CELF4: variants seen among roughly 807,000 people sequenced by gnomAD.
CELF4 encodes CUGBP Elav-like family member 4, also known as CUG-BP- and ETR-3-like factor 4.
Under a neutral mutation model 59.9 loss-of-function variants are expected in CELF4, and 18 were observed. The ratio of observed to expected loss-of-function variants is 0.30; its 90% CI spans 0.21 to 0.45. The LOEUF (loss-of-function observed/expected upper bound fraction) is 0.45. Among genes scored for constraint, CELF4 ranks in the 20% least tolerant of loss-of-function variants. The pLI, the probability that CELF4 is intolerant of heterozygous loss-of-function variation, is 1.00. For missense variants in CELF4, 456 were observed against 689.0 expected (o/e 0.66, Z 3.79); for synonymous variants, 261 against 267.1 (o/e 0.98, Z 0.22).
intron 9 of CELF4, 150 bp downstream of exon 9, chr18:37,266,383 A>T: frequency 1.2e-6 from 1 of 812,988 alleles, no homozygotes. Context: ...GGCAGCCTGG[A>T]GGGTCTCTGC....
At chr18:37,536,174 C>T (rs1410481077) in intron 1 of CELF4, among the ~76,000 whole-genome samples, 2 of 151,598 alleles carry the variant, frequency 1.3e-5, no homozygotes, top group African/African-American at 4.9e-5. Flanking sequence ...TGAATCACAG[C>T]TGTTTGGAGC....
At chr18:37,405,642 G>A (rs1308151249) in intron 2 of CELF4, among the ~76,000 whole-genome samples, 18 of 152,214 alleles carry the variant, frequency 1.2e-4, no homozygotes, top group Admixed American at 1.0e-3. Context: ...TAGGCCTTTA[G>A]CTCAACACCA....
intron 2 of CELF4, among the ~76,000 whole-genome samples, chr18:37,437,298 G>A (rs1389009556): frequency 6.6e-6 from 1 of 152,222 alleles, no homozygotes; most frequent in Non-Finnish European, 1.5e-5. Flanking sequence ...CCCTCCTCCT[G>A]GTTGATGGGG....
chr18:37,530,560 A>G (rs1419339920), intron 1 of CELF4, among the ~76,000 whole-genome samples: 1 of 151,990 alleles, frequency 6.6e-6, no homozygotes, highest in African/African-American at 2.4e-5. Flanking sequence ...CTGCCACCCC[A>G]GCTTCCATCT....
At chr18:37,511,087 A>C (rs77147706) in intron 1 of CELF4, among the ~76,000 whole-genome samples, 2,561 of 152,272 alleles carry the variant, frequency 0.017, 95 homozygotes, top group African/African-American at 0.059. Context: ...GATTTGTTAA[A>C]AGATTGAATG....
At chr18:37,507,195 A>T (rs2099939070) in intron 1 of CELF4, among the ~76,000 whole-genome samples, 1 of 152,188 alleles carries the variant, frequency 6.6e-6, no homozygotes, top group African/African-American at 2.4e-5. Flanking sequence ...TGCTCCCCTC[A>T]GTCACTGCTC....
chr18:37,343,329 C>CTGTGTGTGTGTGTGTGTG (rs5824051), intron 2 of CELF4, among the ~76,000 whole-genome samples: 2 of 126,956 alleles, frequency 1.6e-5, no homozygotes, highest in South Asian at 3.0e-4. Flanking sequence ...GGTGTTGATT[C>CTGTGTGTGTGTGTGTGTG]TGTGTGTGTG....
chr18:37,502,067 C>A (rs1441962246), intron 1 of CELF4, among the ~76,000 whole-genome samples: 1 of 152,254 alleles, frequency 6.6e-6, no homozygotes, highest in Admixed American at 6.5e-5. Flanking sequence ...TGACCAGGCC[C>A]CCCGTGAACC....
chr18:37,472,579 G>A (rs2099836518), intron 2 of CELF4, among the ~76,000 whole-genome samples: 1 of 152,262 alleles, frequency 6.6e-6, no homozygotes, highest in African/African-American at 2.4e-5. Context: ...AACTGCTCCT[G>A]GATGAAAGAA....
intron 3 of CELF4, among the ~76,000 whole-genome samples, chr18:37,284,653 C>T (rs1423166721): frequency 6.6e-6 from 1 of 152,242 alleles, no homozygotes; most frequent in Non-Finnish European, 1.5e-5. Context: ...CTCCCCCGAG[C>T]TTGAGATGCC....
chr18:37,393,187 G>T (rs933385983), intron 2 of CELF4, among the ~76,000 whole-genome samples: 4 of 152,136 alleles, frequency 2.6e-5, no homozygotes, highest in African/African-American at 9.7e-5. Context: ...TTCCTCTCGG[G>T]GATACCCTGA....
intron 1 of CELF4, among the ~76,000 whole-genome samples, chr18:37,557,922 T>A (rs1350327029): frequency 6.7e-6 from 1 of 150,348 alleles, no homozygotes; most frequent in East Asian, 2.0e-4. Flanking sequence ...CAAGGAAGGA[T>A]AAGAGAAACC....
In CELF4 at chr18:37,565,348, G is replaced by C; in HGVS notation, c.286+8C>G. The C allele has an allele frequency of 1.3e-6, 2 of 1,508,960 alleles. No homozygotes were observed. Among genetic ancestry groups the C allele is most frequent in the Non-Finnish European group, 1.8e-6 (2 of 1,123,674 alleles). 93.5% of individuals were successfully genotyped at this position (1,508,960 alleles called of 1,614,324 possible). ...CCCGGCAAAGTTGGGAGGGAAAGGT[G>C]TACTCACCTTTGTGCATGCCTGTGA... On this transcript the variant is annotated splice_region_variant and intron_variant, in intron 1 of 12. Transcript: ENST00000420428.
At chr18:37,355,652 G>A (rs1327029330) in intron 2 of CELF4, among the ~76,000 whole-genome samples, 1 of 141,342 alleles carries the variant, frequency 7.1e-6, no homozygotes, top group Non-Finnish European at 1.5e-5. Context: ...CAGCCTGGGC[G>A]ACAGAGTGAG....
intron 2 of CELF4, among the ~76,000 whole-genome samples, chr18:37,445,253 C>T (rs1162612182): frequency 6.6e-6 from 1 of 152,114 alleles, no homozygotes; most frequent in Non-Finnish European, 1.5e-5. Flanking sequence ...GCAGAGGGGC[C>T]AGTCTGAGCC....
chr18:37,308,401 C>T (rs1325114230), intron 3 of CELF4, among the ~76,000 whole-genome samples: 2 of 152,228 alleles, frequency 1.3e-5, no homozygotes, highest in Non-Finnish European at 2.9e-5. Context: ...CCTGGAACCC[C>T]CTGCAGCAGA....
chr18:37,373,460 C>T (rs940845875), intron 2 of CELF4, among the ~76,000 whole-genome samples: 2 of 152,248 alleles, frequency 1.3e-5, no homozygotes, highest in African/African-American at 4.8e-5. Context: ...GACAGAGCCT[C>T]TGCTCCCTGG....
intron 3 of CELF4, among the ~76,000 whole-genome samples, chr18:37,315,257 G>A (rs946331163): frequency 7.2e-5 from 11 of 152,116 alleles, no homozygotes; most frequent in Non-Finnish European, 1.6e-4. Context: ...TGGGTAGAAA[G>A]AGACAAAGGG....
chr18:37,344,110 C>G (rs1208727837), intron 2 of CELF4, among the ~76,000 whole-genome samples: 1 of 152,246 alleles, frequency 6.6e-6, no homozygotes, highest in Non-Finnish European at 1.5e-5. Flanking sequence ...CCACACTGTT[C>G]ATCCACTGCT....
Sources: allele counts gnomAD v4.1 joint callset (sites outside exome capture counted in the v4.1 genomes callset), GRCh38; gene constraint gnomAD v4.1.1; transcripts MANE v1.5; gene names NCBI Gene and HGNC (gene_info 2026-07-23, HGNC 2026-07-21).